DOCK4: variants seen among roughly 807,000 people sequenced by gnomAD.
DOCK4 encodes the protein dedicator of cytokinesis protein 4.
Under a neutral mutation model 268.1 loss-of-function variants are expected in DOCK4, and 97 were observed. The ratio of observed to expected loss-of-function variants is 0.36; its 90% CI spans 0.31 to 0.43. The LOEUF (loss-of-function observed/expected upper bound fraction) is 0.43, where lower values mean the gene tolerates loss of function less well. Ranked by LOEUF, DOCK4 falls within the 20% of genes least tolerant of loss-of-function variation. DOCK4 has a pLI of 1.00. For missense variants in DOCK4, 2,145 were observed against 2,455.7 expected (o/e 0.87, Z 2.67); for synonymous variants, 954 against 887.2 (o/e 1.08, Z -1.34).
At chr7:112,181,638 T>TAAAAAAAAAA in intron 1 of DOCK4, among the ~76,000 whole-genome samples, 1 of 13,224 alleles carries the variant, frequency 7.6e-5, no homozygotes, top group African/African-American at 4.3e-4. Flanking sequence ...AGACACTGTC[T>TAAAAAAAAAA]CAAAAAAAAA....
chr7:111,977,713 G>C (rs543570255), intron 7 of DOCK4, among the ~76,000 whole-genome samples: 33 of 152,146 alleles, frequency 2.2e-4, no homozygotes, highest in Non-Finnish European at 4.1e-4. Flanking sequence ...TTTTTAAAAA[G>C]CAGACTAAAT....
At chr7:111,804,663 G>T (rs192041386) in intron 30 of DOCK4, among the ~76,000 whole-genome samples, 1 of 151,772 alleles carries the variant, frequency 6.6e-6, no homozygotes, top group Non-Finnish European at 1.5e-5. Context: ...GCAATGGCGC[G>T]ATCTTGGCTC....
At chr7:111,913,408 AT>A (rs560484859) in intron 13 of DOCK4, among the ~76,000 whole-genome samples, 5,805 of 132,554 alleles carry the variant, frequency 0.044, 281 homozygotes, top group African/African-American at 0.14. Flanking sequence ...CATCTTTACA[AT>A]TTTTTTTTTT....
At chr7:111,748,355 G>C (rs1255342990) in intron 42 of DOCK4, among the ~76,000 whole-genome samples, 1 of 151,454 alleles carries the variant, frequency 6.6e-6, no homozygotes, top group Non-Finnish European at 1.5e-5. Context: ...AGAAGATTTT[G>C]TAACATGTGT....
chr7:111,799,046 C>T (rs1800090138), intron 30 of DOCK4, among the ~76,000 whole-genome samples: 1 of 152,148 alleles, frequency 6.6e-6, no homozygotes, highest in Non-Finnish European at 1.5e-5. Context: ...AGGTCAAAGG[C>T]AAGGAAGCCT....
At chr7:111,866,084 C>G (rs868561617) in intron 22 of DOCK4, among the ~76,000 whole-genome samples, 1 of 152,150 alleles carries the variant, frequency 6.6e-6, no homozygotes, top group African/African-American at 2.4e-5. Context: ...GAACTGTGGG[C>G]TAATAAATGA....
At chr7:111,857,904 G>T (rs995485924) in intron 23 of DOCK4, among the ~76,000 whole-genome samples, 1 of 152,154 alleles carries the variant, frequency 6.6e-6, no homozygotes, top group Non-Finnish European at 1.5e-5. Flanking sequence ...AAAATCTGGG[G>T]GAGAAAGGGA....
chr7:111,776,625 G>T (rs892638575), intron 36 of DOCK4, among the ~76,000 whole-genome samples: 5 of 152,110 alleles, frequency 3.3e-5, no homozygotes, highest in African/African-American at 1.2e-4. Context: ...ATATATTTAA[G>T]GAAATAATGC....
intron 52 of DOCK4, among the ~76,000 whole-genome samples, chr7:111,731,184 G>T (rs781333777): frequency 2.0e-5 from 3 of 152,114 alleles, no homozygotes; most frequent in Non-Finnish European, 4.4e-5. Context: ...GCACTTACCC[G>T]CGAATTTCTA....
chr7:112,027,638 C>T (rs1305577251), intron 1 of DOCK4, among the ~76,000 whole-genome samples: 1 of 152,158 alleles, frequency 6.6e-6, no homozygotes, highest in African/African-American at 2.4e-5. Flanking sequence ...TTGGTCAAAG[C>T]AGATTTAATG....
intron 16 of DOCK4, among the ~76,000 whole-genome samples, chr7:111,878,966 T>G (rs1807147189): frequency 6.6e-6 from 1 of 152,016 alleles, no homozygotes; most frequent in Non-Finnish European, 1.5e-5. Flanking sequence ...AAGGGTAGCA[T>G]GTGACCTAGG....
chr7:112,125,282 CA>C (rs1290341627), intron 1 of DOCK4, among the ~76,000 whole-genome samples: 8 of 152,164 alleles, frequency 5.3e-5, no homozygotes, highest in Non-Finnish European at 8.8e-5. Flanking sequence ...TCTATCATGT[CA>C]TTTAGAGTAA....
intron 12 of DOCK4, among the ~76,000 whole-genome samples, chr7:111,935,130 T>C (rs934371376): frequency 1.3e-5 from 2 of 151,902 alleles, no homozygotes; most frequent in African/African-American, 2.4e-5. Flanking sequence ...GTATTTTTAG[T>C]AGAGACGGGG....
At chr7:111,996,807 A>T (rs1407943940) in intron 4 of DOCK4, among the ~76,000 whole-genome samples, 1 of 152,240 alleles carries the variant, frequency 6.6e-6, no homozygotes, top group East Asian at 1.9e-4. Flanking sequence ...CAGGATTTAA[A>T]AAAAGGACGT....
At chr7:111,888,478 T>C (rs1326788118) in intron 16 of DOCK4, among the ~76,000 whole-genome samples, 2 of 151,946 alleles carry the variant, frequency 1.3e-5, no homozygotes, top group African/African-American at 4.8e-5. Flanking sequence ...TGATTTTTGA[T>C]ATGAAGTGCT....
intron 12 of DOCK4, among the ~76,000 whole-genome samples, chr7:111,918,755 A>ATCT (rs1792840475): frequency 6.6e-6 from 1 of 152,196 alleles, no homozygotes; most frequent in African/African-American, 2.4e-5. Context: ...TGTTTGCCAG[A>ATCT]TCTAGTACAT....
chr7:112,077,192 T>C (rs1808147470), intron 1 of DOCK4, among the ~76,000 whole-genome samples: 1 of 152,052 alleles, frequency 6.6e-6, no homozygotes, highest in Non-Finnish European at 1.5e-5. Flanking sequence ...TTTGGATAAA[T>C]CTTTGCTCCA....
intron 1 of DOCK4, among the ~76,000 whole-genome samples, chr7:112,100,033 T>C (rs1228299819): frequency 6.6e-6 from 1 of 152,232 alleles, no homozygotes; most frequent in Non-Finnish European, 1.5e-5. Flanking sequence ...ACCTTTATTT[T>C]TAGACCCCAT....
chr7:111,908,686 C>T (rs754383740), intron 13 of DOCK4, among the ~76,000 whole-genome samples: 1 of 151,948 alleles, frequency 6.6e-6, no homozygotes, highest in Non-Finnish European at 1.5e-5. Context: ...TGTCCTAATG[C>T]TCTCCCTCCC....
Sources: allele counts gnomAD v4.1 joint callset (sites outside exome capture counted in the v4.1 genomes callset), GRCh38; gene constraint gnomAD v4.1.1; transcripts MANE v1.5; gene names NCBI Gene and HGNC (gene_info 2026-07-23, HGNC 2026-07-21).